SRGAP2: variants seen among roughly 807,000 people sequenced by gnomAD.
The protein encoded by SRGAP2 is SLIT-ROBO Rho GTPase-activating protein 2.
SRGAP2 carries 15 observed loss-of-function variants against 57.2 expected under a neutral mutation model. That is an observed-to-expected ratio of 0.26 (90% confidence interval 0.18 to 0.40). SRGAP2 has a LOEUF of 0.40. Among genes scored for constraint, SRGAP2 ranks in the 10% least tolerant of loss-of-function variants. The probability of loss-of-function intolerance (pLI) is 1.00; values close to 1 mark genes in which losing one functional copy is unlikely to be tolerated. For missense variants in SRGAP2, 520 were observed against 669.6 expected (o/e 0.78, Z 2.47); for synonymous variants, 249 against 248.0 (o/e 1.00, Z -0.04).
intron 2 of SRGAP2, among the ~76,000 whole-genome samples, chr1:206,253,730 C>T (rs1227779714): frequency 2.0e-5 from 3 of 151,188 alleles, no homozygotes; most frequent in East Asian, 1.9e-4. Context: ...TACAGGCGCC[C>T]GCCACCAGGC....
intron 2 of SRGAP2, among the ~76,000 whole-genome samples, chr1:206,267,914 GAA>G (rs1669960021): frequency 1.3e-5 from 2 of 151,280 alleles, no homozygotes; most frequent in South Asian, 4.2e-4. Context: ...AAGGAATCCA[GAA>G]AAAAATGGAT....
intron 4 of SRGAP2, among the ~76,000 whole-genome samples, chr1:206,375,167 G>A (rs1242799006): frequency 2.0e-5 from 3 of 150,348 alleles, no homozygotes; most frequent in Admixed American, 6.7e-5. Flanking sequence ...TCTTTCCCCC[G>A]ATTCTCTCCC....
intron 2 of SRGAP2, among the ~76,000 whole-genome samples, chr1:206,250,256 A>G (rs1188753423): frequency 6.6e-6 from 1 of 152,030 alleles, no homozygotes; most frequent in Non-Finnish European, 1.5e-5. Flanking sequence ...AACAGAGCCT[A>G]GAGAAAGTAA....
In SRGAP2 at chr1:206,372,964, C is replaced by CTTTCCTTT. The variant is rs1553342935; in HGVS notation, c.424-11050_424-11049insTTTCCTTT. ...CTTTCTTTCTTTCTTTCTTTTCTTT[C>CTTTCCTTT]CTTTCTTTCTTTCTTTCTTTCTTTC... is the stretch of plus-strand genomic sequence containing the variant. On this transcript the variant is annotated intron_variant, in intron 4 of 22. Transcript: ENST00000573034. 2.8e-3 allele frequency among the ~76,000 whole-genome samples: 65 copies of CTTTCCTTT among 23,330 alleles called. 11 individuals carry two copies. The highest frequency in any genetic ancestry group is 0.01 in the East Asian group (5 of 480). The allele number at this position is 23,330 out of a possible 152,430, so 15.3% of individuals were successfully genotyped here.
At chr1:206,456,896 G>C (rs1663886361) in intron 21 of SRGAP2, among the ~76,000 whole-genome samples, 1 of 152,226 alleles carries the variant, frequency 6.6e-6, no homozygotes, top group South Asian at 2.1e-4. Context: ...TCCTCACCTG[G>C]TCACCTCCTC....
chr1:206,429,805 T>C (rs1661130241), intron 13 of SRGAP2, among the ~76,000 whole-genome samples: 2 of 152,166 alleles, frequency 1.3e-5, no homozygotes, highest in Admixed American at 1.3e-4. Flanking sequence ...TATTGGTGGA[T>C]TGAACTAGGT....
chr1:206,241,863 C>A (rs565965035), intron 2 of SRGAP2, among the ~76,000 whole-genome samples: 2 of 151,482 alleles, frequency 1.3e-5, no homozygotes, highest in African/African-American at 4.9e-5. Context: ...AAAGGTGACC[C>A]AAATTACTTT....
intron 2 of SRGAP2, among the ~76,000 whole-genome samples, chr1:206,210,155 G>A (rs1553302132): frequency 6.7e-6 from 1 of 150,210 alleles, no homozygotes; most frequent in Non-Finnish European, 1.5e-5. Context: ...GCAGGGCATG[G>A]TTACCAGGGT....
intron 4 of SRGAP2, among the ~76,000 whole-genome samples, chr1:206,355,519 A>G (rs1446813478): frequency 6.6e-6 from 1 of 152,104 alleles, no homozygotes; most frequent in Non-Finnish European, 1.5e-5. Context: ...TTTAAATCAC[A>G]TGATAGAAAC....
At chr1:206,427,334 C>T (rs561411113) in intron 13 of SRGAP2, among the ~76,000 whole-genome samples, 1 of 152,272 alleles carries the variant, frequency 6.6e-6, no homozygotes, top group Admixed American at 6.5e-5. Flanking sequence ...TGAGATCACC[C>T]TAGCCTAACC....
chr1:206,337,230 C>A (rs1674843893), intron 3 of SRGAP2, among the ~76,000 whole-genome samples: 1 of 141,522 alleles, frequency 7.1e-6, no homozygotes, highest in South Asian at 2.3e-4. Context: ...CTACCTTGTC[C>A]CTTAGGGAAA....
At chr1:206,268,510 T>C (rs1293267474) in intron 2 of SRGAP2, among the ~76,000 whole-genome samples, 2 of 151,988 alleles carry the variant, frequency 1.3e-5, no homozygotes, top group Non-Finnish European at 2.9e-5. Flanking sequence ...GAATAATGGG[T>C]GTAAATGATA....
chr1:206,436,538 G>A (rs1661776643), intron 14 of SRGAP2, among the ~76,000 whole-genome samples: 1 of 151,558 alleles, frequency 6.6e-6, no homozygotes. Context: ...ACATTTTTTA[G>A]AGACAGGGTC....
intron 2 of SRGAP2, among the ~76,000 whole-genome samples, chr1:206,213,562 GAAAGA>G (rs1553302783): frequency 1.3e-5 from 2 of 151,596 alleles, no homozygotes; most frequent in Non-Finnish European, 1.5e-5. Flanking sequence ...GATGGAGTGA[GAAAGA>G]AAAGAAAAAA....
chr1:206,299,727 T>C (rs1671777891), intron 2 of SRGAP2, among the ~76,000 whole-genome samples: 1 of 151,758 alleles, frequency 6.6e-6, no homozygotes, highest in African/African-American at 2.4e-5. Flanking sequence ...GTAGTTAGAA[T>C]TTCCCTTAAT....
chr1:206,342,393 C>T (rs1675268275), intron 3 of SRGAP2, among the ~76,000 whole-genome samples: 1 of 151,742 alleles, frequency 6.6e-6, no homozygotes, highest in African/African-American at 2.4e-5. Flanking sequence ...CAATGCAGAA[C>T]TGTTGTTCTA....
intron 2 of SRGAP2, among the ~76,000 whole-genome samples, chr1:206,220,600 C>T (rs1666922144): frequency 6.6e-6 from 1 of 152,212 alleles, no homozygotes; most frequent in Admixed American, 6.5e-5. Context: ...TACCACAGCC[C>T]ACCTTCCCAT....
At chr1:206,449,523 C>T (rs1187250483) in intron 18 of SRGAP2, among the ~76,000 whole-genome samples, 3 of 150,662 alleles carry the variant, frequency 2.0e-5, no homozygotes, top group Non-Finnish European at 4.4e-5. Context: ...CTCCTAGACT[C>T]AAATGATCCT....
chr1:206,331,558 T>A (rs1674356230), intron 3 of SRGAP2, among the ~76,000 whole-genome samples: 1 of 150,822 alleles, frequency 6.6e-6, no homozygotes, highest in Non-Finnish European at 1.5e-5. Flanking sequence ...TTTACCATTA[T>A]GTAACGGCCT....
Sources: allele counts gnomAD v4.1 joint callset (sites outside exome capture counted in the v4.1 genomes callset), GRCh38; gene constraint gnomAD v4.1.1; transcripts MANE v1.5; gene names NCBI Gene and HGNC (gene_info 2026-07-23, HGNC 2026-07-21).